The following NEBL variants were observed in gnomAD, a reference collection of about 807,000 sequenced individuals.
NEBL encodes LIM and SH3 protein 2.
A neutral mutation model predicts 140.2 loss-of-function variants in NEBL; 122 were observed. The observed-to-expected ratio is 0.87, with a 90% CI of 0.75 to 1.01. The LOEUF is 1.01. Among genes scored for constraint, NEBL ranks in the 50% least tolerant of loss-of-function variants. The probability of loss-of-function intolerance (pLI) is 0.00; values close to 1 mark genes in which losing one functional copy is unlikely to be tolerated. For synonymous variants in NEBL, 436 were observed against 398.9 expected (o/e 1.09, Z -1.11); for missense variants, 1,365 against 1,231.3 (o/e 1.11, Z -1.62).
At chr10:21,158,943 A>G (rs1589295717) in intron 2 of NEBL, among the ~76,000 whole-genome samples, 1 of 151,964 alleles carries the variant, frequency 6.6e-6, no homozygotes, top group Non-Finnish European at 1.5e-5. Context: ...TGCTTTTGAA[A>G]CCCACTTTGT....
At position 21,214,690 on chromosome 10, in the gene NEBL, G is replaced by C. The variant is rs189372745; in HGVS notation, n.348+33231C>G. Among the ~76,000 whole-genome samples the C allele has an allele frequency of 1.4e-3, 217 of 152,238 alleles. 1 individual carries two copies. Among genetic ancestry groups the C allele is most frequent in the Non-Finnish European group, 2.1e-3 (143 of 68,006 alleles). On this transcript the variant is annotated intron_variant and non_coding_transcript_variant, in intron 3 of 8. Transcript: ENST00000675702. ...GTACAGTGAGGAAAGGGTTTTTCAG[G>C]TGCTTCTTTTTTAACTGCTAATTCA... is the stretch of plus-strand genomic sequence containing the variant.
chr10:21,154,367 G>A (rs1287871482), intron 2 of NEBL, among the ~76,000 whole-genome samples: 1 of 150,714 alleles, frequency 6.6e-6, no homozygotes, highest in Non-Finnish European at 1.5e-5. Context: ...GCTGAGGCAG[G>A]AGAATCACTT....
intron 5 of NEBL, among the ~76,000 whole-genome samples, chr10:20,870,708 T>C (rs1406090962): frequency 3.3e-5 from 5 of 152,236 alleles, no homozygotes; most frequent in Non-Finnish European, 7.3e-5. Context: ...TATCACCCAA[T>C]AAATATCATT....
intron 13 of NEBL, among the ~76,000 whole-genome samples, chr10:20,838,098 G>A (rs1841063675): frequency 6.6e-6 from 1 of 152,088 alleles, no homozygotes. Flanking sequence ...TACTTTCAAG[G>A]CTTATTATTT....
intron 4 of NEBL, among the ~76,000 whole-genome samples, chr10:20,906,679 T>C (rs549362138): frequency 1.3e-5 from 2 of 152,098 alleles, no homozygotes; most frequent in African/African-American, 4.8e-5. Context: ...GTTCATTCAA[T>C]CATTCACTCA....
chr10:21,105,353 C>T (rs1233328306), intron 2 of NEBL, among the ~76,000 whole-genome samples: 3 of 151,948 alleles, frequency 2.0e-5, no homozygotes. Flanking sequence ...TACCCCCCGA[C>T]AGGCCCCAGT....
intron 7 of NEBL, among the ~76,000 whole-genome samples, chr10:20,860,046 C>A (rs1322630991): frequency 2.6e-5 from 4 of 152,042 alleles, no homozygotes; most frequent in Non-Finnish European, 2.9e-5. Context: ...TAGGCATGAA[C>A]TCAAATCCTA....
chr10:20,845,361 T>C lies in NEBL; in HGVS notation c.1124A>G (p.Tyr375Cys). The change falls in exon 12 of 28, where the codon TAC becomes TGC. Residue 375 changes from tyrosine (Y) to cysteine (C), a missense_variant. This residue lies in a region of NEBL where 1,323 missense variants were observed against 1,154.8 expected (regional missense o/e 1.15). Transcript: ENST00000377122. ...AATCTCCTTCTCAAAATCCTCTTTG[T>C]AAACTTTCTGTTAAATAAGACCACA... is the stretch of plus-strand genomic sequence containing the variant. ...EAQKMQSEKV[Y>C]KEDFEKEIKG... 2 of 1,570,798 alleles carry C rather than the reference T, an allele frequency of 1.3e-6. No individual in the cohort carries two copies. The highest frequency in any genetic ancestry group is 1.4e-5 in the African/African-American group (1 of 74,028).
rs1163933678 is a variant in NEBL, at chr10:21,146,546, C to T, written c.164+25837G>A. 1.9e-6 allele frequency: 3 copies of T among 1,541,898 alleles called. No homozygotes were observed. The East Asian group carries it at 6.8e-5, about 35-fold the overall frequency. On this transcript the variant is annotated intron_variant, in intron 2 of 6. Transcript: ENST00000417816. ...TTATCAGAAAATGGTGAAAATGGTG[C>T]TGTGTTTGGGCATTGTTACCTTGGA...
intron 3 of NEBL, among the ~76,000 whole-genome samples, chr10:21,191,982 T>C (rs945895590): frequency 1.3e-5 from 2 of 152,164 alleles, no homozygotes; most frequent in African/African-American, 4.8e-5. Flanking sequence ...AGCAGGAGTA[T>C]TAAAGGGTTA....
At chr10:21,060,248 C>T (rs1397519225) in intron 2 of NEBL, among the ~76,000 whole-genome samples, 2 of 152,190 alleles carry the variant, frequency 1.3e-5, no homozygotes, top group African/African-American at 2.4e-5. Flanking sequence ...GCACATCTGC[C>T]TGTAATACAT....
At chr10:20,819,621 T>G in intron 19 of NEBL, 105 bp from the exon 20 acceptor site, 2 of 1,340,284 alleles carry the variant, frequency 1.5e-6, no homozygotes, top group South Asian at 1.2e-5. Context: ...GAACATTCAT[T>G]AATAAGATCA....
At chr10:21,178,159 T>A (rs184733262), upstream of NEBL, among the ~76,000 whole-genome samples, 1 of 152,324 alleles carries the variant, frequency 6.6e-6, no homozygotes, top group Admixed American at 6.5e-5. Context: ...ATTATCTCAT[T>A]TGCCATTATA....
chr10:20,955,911 CAA>C (rs11388003), intron 4 of NEBL, among the ~76,000 whole-genome samples: 13 of 140,316 alleles, frequency 9.3e-5, no homozygotes, highest in Admixed American at 1.4e-4. Context: ...TCTCTTGTTT[CAA>C]AAAAAAAAAA....
chr10:21,232,824 A>G (rs1405585091), intron 3 of NEBL, among the ~76,000 whole-genome samples: 2 of 152,228 alleles, frequency 1.3e-5, no homozygotes, highest in African/African-American at 4.8e-5. Context: ...TTAAGTTTCT[A>G]CAGAAAACTA....
intron 1 of NEBL, among the ~76,000 whole-genome samples, chr10:21,290,181 T>C (rs1010260414): frequency 1.3e-5 from 2 of 152,154 alleles, no homozygotes; most frequent in Admixed American, 1.3e-4. Context: ...CTGTGGGAAA[T>C]TGGAACCACT....
chr10:20,876,932 C>T (rs377686207), intron 5 of NEBL, among the ~76,000 whole-genome samples: 70 of 152,224 alleles, frequency 4.6e-4, no homozygotes, highest in African/African-American at 1.5e-3. Flanking sequence ...AAAAAGATTT[C>T]GATTGGCTGT....
chr10:21,020,491 CCA>C (rs1367941132), intron 2 of NEBL, among the ~76,000 whole-genome samples: 1 of 152,142 alleles, frequency 6.6e-6, no homozygotes. Context: ...TTCCTGCACC[CCA>C]CACACCCTTC....
rs757155594 is a variant in NEBL, at chr10:21,288,818, G to GTCTATATATATA, written n.182+4011_182+4012insTATATATATAGA. Among the ~76,000 whole-genome samples, 8 of 32,666 alleles carry GTCTATATATATA rather than the reference G, an allele frequency of 2.4e-4. 1 individual carries two copies. The East Asian group carries it at 0.012, about 49-fold the overall frequency. 21.4% of individuals were successfully genotyped at this position (32,666 alleles called of 152,430 possible). A position where few individuals can be genotyped will look rare whatever the true frequency, so the allele number is the denominator to read the frequency against. On this transcript the variant is annotated intron_variant and non_coding_transcript_variant, in intron 1 of 8. Transcript: ENST00000675702. ...CATCTGACAATATATACGTGTGTGT[G>GTCTATATATATA]TGTATATATATATATATATATATAT...
Sources: gnomAD v4.1 joint callset for allele counts (sites outside exome capture counted in the v4.1 genomes callset) on GRCh38, gnomAD v4.1.1 for gene constraint, gnomAD v4.1.1 regional missense constraint, MANE v1.5 for transcripts, NCBI Gene and HGNC (gene_info 2026-07-23, HGNC 2026-07-21) for gene names.